The following CSMD1 variants were observed in gnomAD, a reference collection of about 807,000 sequenced individuals.
CSMD1 encodes the protein CUB and sushi domain-containing protein 1.
In CSMD1, 213 loss-of-function variants were observed where a neutral mutation model predicts 417.5. The ratio of observed to expected loss-of-function variants is 0.51; its 90% CI spans 0.46 to 0.57. CSMD1 has a LOEUF of 0.57. Ranked by LOEUF, CSMD1 falls within the 20% of genes least tolerant of loss-of-function variation. The pLI, the probability that CSMD1 is intolerant of heterozygous loss-of-function variation, is 0.00. For missense variants in CSMD1, 6,923 were observed against 4,529.7 expected (o/e 1.53, Z -15.17); for synonymous variants, 2,862 against 1,736.8 (o/e 1.65, Z -16.11).
At chr8:4,275,008 G>C (rs893551403) in intron 3 of CSMD1, among the ~76,000 whole-genome samples, 1 of 152,120 alleles carries the variant, frequency 6.6e-6, no homozygotes, top group East Asian at 1.9e-4. Context: ...GGTATAAATA[G>C]TTAATACATT....
intron 1 of CSMD1, among the ~76,000 whole-genome samples, chr8:4,937,294 C>A (rs540463927): frequency 6.6e-6 from 1 of 152,068 alleles, no homozygotes; most frequent in Non-Finnish European, 1.5e-5. Flanking sequence ...CTGGGGGATA[C>A]CATATTCATG....
At position 4,736,051 on chromosome 8, in the gene CSMD1, T is replaced by C. The variant is rs140941464; in HGVS notation, c.86-98493A>G. On this transcript the variant is annotated intron_variant, in intron 1 of 69. Coordinates refer to ENST00000635120, the MANE Select transcript of CSMD1 (RefSeq NM_033225.6). The stretch of plus-strand genomic sequence containing the variant: ...CTCAGGCTATTATGGACATTTGTAT[T>C]GCCCTGTGTTAGCCTTCATGAATAT... Among the ~76,000 whole-genome samples the C allele has an allele frequency of 2.7e-3, 409 of 152,330 alleles. 1 individual carries two copies. The highest frequency in any genetic ancestry group is 9.1e-3 in the African/African-American group (377 of 41,588).
rs145683807 is a variant in CSMD1 at position 3,206,200 on chromosome 8, C to T, written c.4868-580G>A. On this transcript the variant is annotated intron_variant, in intron 30 of 69. Transcript: ENST00000635120. ...TCCATCATTAGAAAGTTAGGGCTTA[C>T]AAAATATAGAGAGGTGTGTGTGTCT... is the stretch of plus-strand genomic sequence containing the variant. Among the ~76,000 whole-genome samples, 480 of 132,978 alleles carry T rather than the reference C, an allele frequency of 3.6e-3. 5 individuals carry two copies. Among genetic ancestry groups the T allele is most frequent in the African/African-American group, 0.013 (449 of 34,298 alleles). 87.2% of individuals were successfully genotyped at this position (132,978 alleles called of 152,430 possible).
chr8:3,643,135 G>A (rs1435575530), intron 7 of CSMD1, among the ~76,000 whole-genome samples: 2 of 152,064 alleles, frequency 1.3e-5, no homozygotes, highest in South Asian at 4.1e-4. Context: ...AACAGTCAGG[G>A]AAAAACCATG....
At chr8:3,662,630 T>C (rs929136584) in intron 7 of CSMD1, among the ~76,000 whole-genome samples, 2 of 152,220 alleles carry the variant, frequency 1.3e-5, no homozygotes, top group African/African-American at 2.4e-5. Flanking sequence ...TCTTCCAGAA[T>C]GGTTGAATAC....
chr8:3,310,855 G>C (rs577138187), intron 23 of CSMD1, among the ~76,000 whole-genome samples: 1 of 152,180 alleles, frequency 6.6e-6, no homozygotes, highest in Admixed American at 6.5e-5. Flanking sequence ...CGAACTTCTC[G>C]TTTTTCAAGG....
At chr8:4,223,271 C>T (rs1437599516) in intron 3 of CSMD1, among the ~76,000 whole-genome samples, 1 of 152,188 alleles carries the variant, frequency 6.6e-6, no homozygotes, top group Non-Finnish European at 1.5e-5. Context: ...ACATTCTGAG[C>T]ATCCAGACTT....
At position 4,318,083 on chromosome 8, in the gene CSMD1, T is replaced by G. The variant is rs1277289869; in HGVS notation, c.415+101870A>C. 1.3e-5 allele frequency among the ~76,000 whole-genome samples: 2 copies of G among 152,160 alleles called. 1 individual carries two copies. The highest frequency in any genetic ancestry group is 1.3e-4 in the Admixed American group (2 of 15,274). Reference sequence around the variant, plus strand: ...TTTCTCACGTAAGTGTGACATTTAGTTTAGCCTGTCTGTAAAGCTGTACCC... The same window carrying G: ...TTTCTCACGTAAGTGTGACATTTAGGTTAGCCTGTCTGTAAAGCTGTACCC... On this transcript the variant is annotated intron_variant, in intron 3 of 69. Coordinates refer to ENST00000635120, the MANE Select transcript of CSMD1 (RefSeq NM_033225.6).
Position 4,059,064 on chromosome 8 carries a change from T to C in CSMD1, c.416-26965A>G, listed in dbSNP as rs1311935206. Among the ~76,000 whole-genome samples, 4 of 152,190 alleles carry C rather than the reference T, an allele frequency of 2.6e-5. No individual in the cohort carries two copies. In the East Asian group the frequency reaches 7.7e-4, roughly 29 times the overall value. ...GAAGTAAAGCTCTCCTCAGCAAATG[T>C]AAAAGAACAGAAATTATAACAAACT... is the stretch of plus-strand genomic sequence containing the variant. On this transcript the variant is annotated intron_variant, in intron 3 of 69. Transcript: ENST00000635120.
intron 7 of CSMD1, among the ~76,000 whole-genome samples, chr8:3,656,369 T>C (rs1260937797): frequency 6.6e-6 from 1 of 151,884 alleles, no homozygotes; most frequent in Non-Finnish European, 1.5e-5. Context: ...GTTTATTTGA[T>C]AGATGACACC....
chr8:4,838,975 A>G (rs1423946669), intron 1 of CSMD1, among the ~76,000 whole-genome samples: 2 of 152,210 alleles, frequency 1.3e-5, no homozygotes, highest in African/African-American at 4.8e-5. Context: ...TTTTTAAACA[A>G]TTACTTCTAC....
Position 4,015,114 on chromosome 8 carries a change from C to A in CSMD1, c.610+16791G>T, listed in dbSNP as rs561932454. Among the ~76,000 whole-genome samples, 28 of 152,200 alleles carry A rather than the reference C, an allele frequency of 1.8e-4. No homozygotes were observed. In the East Asian group the frequency reaches 5.0e-3, roughly 27 times the overall value. On this transcript the variant is annotated intron_variant, in intron 4 of 69. Coordinates refer to ENST00000635120, the MANE Select transcript of CSMD1 (RefSeq NM_033225.6). ...AGTATGCAAGAAAGGTGCTTAAAACCAAATTGTCTAAAACTACTCAAAAAA... is the reference window on the plus strand; with the variant it reads ...AGTATGCAAGAAAGGTGCTTAAAACAAAATTGTCTAAAACTACTCAAAAAA...
intron 3 of CSMD1, among the ~76,000 whole-genome samples, chr8:4,215,295 C>T (rs1445052296): frequency 6.6e-6 from 1 of 152,152 alleles, no homozygotes; most frequent in Non-Finnish European, 1.5e-5. Context: ...TATTCATCTC[C>T]TCCCTCCCCA....
intron 3 of CSMD1, among the ~76,000 whole-genome samples, chr8:4,183,405 C>T (rs537001807): frequency 9.9e-5 from 15 of 152,274 alleles, no homozygotes; most frequent in Admixed American, 7.8e-4. Flanking sequence ...GTAAAAGCAA[C>T]TCCATAAAAC....
chr8:4,712,656 T>C (rs1808383233), intron 1 of CSMD1, among the ~76,000 whole-genome samples: 1 of 152,224 alleles, frequency 6.6e-6, no homozygotes, highest in Non-Finnish European at 1.5e-5. Flanking sequence ...TTCCTCTAAT[T>C]GGGCAACTAG....
intron 3 of CSMD1, among the ~76,000 whole-genome samples, chr8:4,249,951 T>A (rs1802953633): frequency 6.6e-6 from 1 of 152,142 alleles, no homozygotes; most frequent in Non-Finnish European, 1.5e-5. Context: ...TTTGCACTTA[T>A]GAATGAATTA....
Position 2,938,374 on chromosome 8 carries a change from C to T in CSMD1, c.*211G>A, listed in dbSNP as rs114163126. 6.2e-6 allele frequency: 3 copies of T among 484,914 alleles called. No homozygotes were observed. The highest frequency in any genetic ancestry group is 9.0e-5 in the South Asian group (2 of 22,320). 30.0% of individuals were successfully genotyped at this position (484,914 alleles called of 1,614,324 possible). On this transcript the variant is annotated 3_prime_UTR_variant, in exon 70 of 70. Transcript: ENST00000635120. ...GATGCAGCCAGGCATTTAGAACCCA[C>T]TTTTGGAATGAAAACGCATGTGTAG... is the stretch of plus-strand genomic sequence containing the variant.
At chr8:4,722,993 G>C (rs1809162912) in intron 1 of CSMD1, among the ~76,000 whole-genome samples, 1 of 152,014 alleles carries the variant, frequency 6.6e-6, no homozygotes, top group African/African-American at 2.4e-5. Flanking sequence ...TTCTTTACTT[G>C]TGGCATTACA....
At chr8:4,254,010 G>T (rs186573912) in intron 3 of CSMD1, among the ~76,000 whole-genome samples, 1 of 149,746 alleles carries the variant, frequency 6.7e-6, no homozygotes, top group African/African-American at 2.5e-5. Context: ...TCTGCCTCCA[G>T]GGTTCATGCC....
Sources: gnomAD v4.1 joint callset for allele counts (sites outside exome capture counted in the v4.1 genomes callset) on GRCh38, gnomAD v4.1.1 for gene constraint, MANE v1.5 for transcripts, NCBI Gene and HGNC (gene_info 2026-07-23, HGNC 2026-07-21) for gene names.